Variants in SLC10A2 observed in about 807,000 individuals in gnomAD.
SLC10A2 encodes solute carrier family 10 member 2, also known as ileal sodium/bile acid cotransporter.
Under a neutral mutation model 27.1 loss-of-function variants are expected in SLC10A2, and 34 were observed. That is an observed-to-expected ratio of 1.26 (90% confidence interval 0.96 to 1.67). The LOEUF is 1.67. Among genes scored for constraint, SLC10A2 ranks in the 40% most tolerant of loss-of-function variants. SLC10A2 has a pLI of 0.00. For synonymous variants in SLC10A2, 205 were observed against 174.0 expected (o/e 1.18, Z -1.40); for missense variants, 530 against 444.4 (o/e 1.19, Z -1.73).
Position 103,046,303 on chromosome 13 carries a change from T to C in SLC10A2, c.920-43A>G, listed in dbSNP as rs752031661. On this transcript the variant is annotated intron_variant, in intron 5 of 5. Coordinates refer to ENST00000245312, the MANE Select transcript of SLC10A2 (RefSeq NM_000452.3). ...GACAGTTAAGTAAATTTTATAATAATAAACTGCAAAATTACTTTGCATAGA... is the reference window on the plus strand; with the variant it reads ...GACAGTTAAGTAAATTTTATAATAACAAACTGCAAAATTACTTTGCATAGA... 3 of 1,503,348 alleles carry C rather than the reference T, an allele frequency of 2.0e-6. No individual in the cohort carries two copies. In the Admixed American group the frequency reaches 5.2e-5, roughly 26 times the overall value. The allele number at this position is 1,503,348 out of a possible 1,614,324, so 93.1% of individuals were successfully genotyped here.
chr13:103,066,189 C>T lies in SLC10A2; in HGVS notation c.61G>A (p.Val21Ile), dbSNP rs777535636. 1 of 1,614,132 alleles carries T rather than the reference C, an allele frequency of 6.2e-7. No individual in the cohort carries two copies. The highest frequency in any genetic ancestry group is 1.1e-5 in the South Asian group (1 of 91,088). Reference protein sequence around the residue: ...ATVCSGASCVVPESNFNNILS... With the variant: ...ATVCSGASCVIPESNFNNILS... Reference sequence around the variant, plus strand: ...ATGTTATTGAAATTGCTCTCAGGTACCACACAGGATGCACCAGAGCAAACT... The same window carrying T: ...ATGTTATTGAAATTGCTCTCAGGTATCACACAGGATGCACCAGAGCAAACT... Residue 21 changes from valine to isoleucine, a missense_variant, in exon 1 of 6, where the codon GTA becomes ATA. Transcript: ENST00000245312.
rs1183774378 is a variant in SLC10A2 at position 103,051,400 on chromosome 13, C to T, written c.618G>A (p.Val206=). 6.2e-7 allele frequency: 1 copy of T among 1,613,898 alleles called. No individual in the cohort carries two copies. The highest frequency in any genetic ancestry group is 1.3e-5 in the African/African-American group (1 of 74,934). ...IGSIAGAILI[V]LIAVVGGILY... is the part of the protein sequence containing the mutation. Reference sequence around the variant, plus strand: ...ATATTCCTCCAACCACAGCTATGAGCACAATGAGGATGGCGCCCGCGATGG... The same window carrying T: ...ATATTCCTCCAACCACAGCTATGAGTACAATGAGGATGGCGCCCGCGATGG... Residue 206 remains valine, a synonymous_variant, in exon 4 of 6, where the codon GTG becomes GTA. Coordinates refer to ENST00000245312, the MANE Select transcript of SLC10A2 (RefSeq NM_000452.3).
chr13:103,060,604 G>A (rs1876087264), intron 1 of SLC10A2, among the ~76,000 whole-genome samples: 1 of 151,990 alleles, frequency 6.6e-6, no homozygotes. Flanking sequence ...TCAAACTCCT[G>A]GGCTCAGGTG....
intron 3 of SLC10A2, among the ~76,000 whole-genome samples, chr13:103,051,893 A>G (rs1486807561): frequency 1.3e-5 from 2 of 152,114 alleles, no homozygotes. Context: ...TGGGTATAGA[A>G]CTCTATACAA....
chr13:103,052,553 G>T, intron 3 of SLC10A2, 67 bp downstream of exon 3: 1 of 1,128,750 alleles, frequency 8.9e-7, no homozygotes, highest in Middle Eastern at 2.0e-4. Context: ...ACCATTTCAT[G>T]GATGGAAAAC....
In SLC10A2 at chr13:103,045,708, C is replaced by T. The variant is rs958619135; in HGVS notation, c.*425G>A. The T allele has an allele frequency of 1.9e-5, 3 of 156,160 alleles. No homozygotes were observed. Among genetic ancestry groups the T allele is most frequent in the Admixed American group, 6.3e-5 (1 of 15,998 alleles). 9.7% of individuals were successfully genotyped at this position (156,160 alleles called of 1,614,324 possible). On this transcript the variant is annotated 3_prime_UTR_variant, in exon 6 of 6. Transcript: ENST00000245312. Reference sequence around the variant, plus strand: ...TATAATCATAAACACTGAAGAAAATCGTGACCACTGTAATAATAATAATTC... The same window carrying T: ...TATAATCATAAACACTGAAGAAAATTGTGACCACTGTAATAATAATAATTC...
chr13:103,065,859 A>G lies in SLC10A2; in HGVS notation c.377+14T>C. On this transcript the variant is annotated intron_variant, in intron 1 of 5. Coordinates refer to ENST00000245312, the MANE Select transcript of SLC10A2 (RefSeq NM_000452.3). Reference sequence around the variant, plus strand: ...CAAGGTGATTGCAGTAGTTAGAGGTATAGATAATCTTACCTCAGGTCCATG... The same window carrying G: ...CAAGGTGATTGCAGTAGTTAGAGGTGTAGATAATCTTACCTCAGGTCCATG... 1 of 1,613,938 alleles carries G rather than the reference A, an allele frequency of 6.2e-7. No homozygotes were observed. The highest frequency in any genetic ancestry group is 8.5e-7 in the Non-Finnish European group (1 of 1,179,984).
rs150229163 is a variant in SLC10A2, at chr13:103,051,259, G to C, written c.759C>G (p.Tyr253Ter). ...ATGTGATTTACTAAATGCCATACCT[G>C]TACCAGGGTAGACCAGCAATTCTAG... is the stretch of plus-strand genomic sequence containing the variant. ...LLARIAGLPWYRCRTVAFETG... is the reference protein window; with the variant it reads ...LLARIAGLPW Residue 253 changes from tyrosine (Y) to a stop codon, truncating the protein, a stop_gained and splice_region_variant, in exon 4 of 6, where the codon TAC (tyrosine) becomes TAG (stop). Coordinates refer to ENST00000245312, the MANE Select transcript of SLC10A2 (RefSeq NM_000452.3). LOFTEE classifies it high-confidence loss of function. 1.5e-5 allele frequency: 24 copies of C among 1,613,646 alleles called. No homozygotes were observed. Among genetic ancestry groups the C allele is most frequent in the Non-Finnish European group, 2.0e-5 (24 of 1,179,878 alleles).
chr13:103,062,594 T>C (rs1017455317), intron 1 of SLC10A2, among the ~76,000 whole-genome samples: 5 of 152,016 alleles, frequency 3.3e-5, no homozygotes. Flanking sequence ...TCTCCCAGAG[T>C]AGAGAAGAGA....
chr13:103,054,272 G>A (rs534768785), intron 2 of SLC10A2, among the ~76,000 whole-genome samples: 191 of 152,228 alleles, frequency 1.3e-3, no homozygotes, highest in African/African-American at 4.5e-3. Flanking sequence ...ATGATTGTAC[G>A]TTTCCTGAGG....
At position 103,051,507 on chromosome 13, in the gene SLC10A2, A is replaced by T. The variant is rs931105747; in HGVS notation, c.586-75T>A. On this transcript the variant is annotated intron_variant, in intron 3 of 5. Transcript: ENST00000245312. Reference sequence around the variant, plus strand: ...TCCAAGTATGTTTGTCAGAGACAAAACCTCAGCAGTCTCCTTGTCCCTGGG... The same window carrying T: ...TCCAAGTATGTTTGTCAGAGACAAATCCTCAGCAGTCTCCTTGTCCCTGGG... 4 of 1,476,194 alleles carry T rather than the reference A, an allele frequency of 2.7e-6. No individual in the cohort carries two copies. The African/African-American group carries it at 4.2e-5, about 15-fold the overall frequency. 91.4% of individuals were successfully genotyped at this position (1,476,194 alleles called of 1,614,324 possible). A position where few individuals can be genotyped will look rare whatever the true frequency, so the allele number is the denominator to read the frequency against.
At chr13:103,063,046 C>T (rs997377922) in intron 1 of SLC10A2, among the ~76,000 whole-genome samples, 2 of 152,166 alleles carry the variant, frequency 1.3e-5, no homozygotes, top group African/African-American at 4.8e-5. Flanking sequence ...GTCACCATCT[C>T]TTCTCCCTGA....
At chr13:103,050,878 G>C (rs974218643) in intron 4 of SLC10A2, among the ~76,000 whole-genome samples, 2 of 152,156 alleles carry the variant, frequency 1.3e-5, no homozygotes, top group African/African-American at 2.4e-5. Context: ...CTCAGGATGT[G>C]ACATTATGTG....
In SLC10A2 at chr13:103,044,564, TA is replaced by T. The variant is rs1165027169; in HGVS notation, c.*1568del. On this transcript the variant is annotated 3_prime_UTR_variant, in exon 6 of 6. Coordinates refer to ENST00000245312, the MANE Select transcript of SLC10A2 (RefSeq NM_000452.3). Reference sequence around the variant, plus strand: ...TTCAACTGTAAATGGAAATCTTGCATAAAAAGATCAATGTTATGAATTTGAA... The same window carrying T: ...TTCAACTGTAAATGGAAATCTTGCATAAAAGATCAATGTTATGAATTTGAA... The T allele has an allele frequency of 6.6e-6, 1 of 152,160 alleles. No individual in the cohort carries two copies. The highest frequency in any genetic ancestry group is 1.5e-5 in the Non-Finnish European group (1 of 68,028). The allele number at this position is 152,160 out of a possible 1,614,324, so 9.4% of individuals were successfully genotyped here.
intron 4 of SLC10A2, among the ~76,000 whole-genome samples, chr13:103,050,489 G>A (rs930118939): frequency 6.6e-5 from 10 of 152,078 alleles, no homozygotes; most frequent in South Asian, 4.1e-4. Flanking sequence ...TTTAATATTC[G>A]GCGCCTTTGG....
rs201694445 is a variant in SLC10A2, at chr13:103,052,570, G to A, written c.585+50C>T. On this transcript the variant is annotated intron_variant, in intron 3 of 5. Transcript: ENST00000245312. Reference sequence around the variant, plus strand: ...CATTTCATGGATGGAAAACCCTATGGTTTTGATTGTCACAGTGGAATATTT... The same window carrying A: ...CATTTCATGGATGGAAAACCCTATGATTTTGATTGTCACAGTGGAATATTT... 4 of 1,286,736 alleles carry A rather than the reference G, an allele frequency of 3.1e-6. No individual in the cohort carries two copies. In the Admixed American group the frequency reaches 6.7e-5, roughly 22 times the overall value. 79.7% of individuals were successfully genotyped at this position (1,286,736 alleles called of 1,614,324 possible).
At position 103,044,575 on chromosome 13, in the gene SLC10A2, A is replaced by T. The variant is rs1875552619; in HGVS notation, c.*1558T>A. 6.6e-6 allele frequency: 1 copy of T among 152,200 alleles called. No homozygotes were observed. The highest frequency in any genetic ancestry group is 2.4e-5 in the African/African-American group (1 of 41,454). The allele number at this position is 152,200 out of a possible 1,614,324, so 9.4% of individuals were successfully genotyped here. A position where few individuals can be genotyped will look rare whatever the true frequency, so the allele number is the denominator to read the frequency against. On this transcript the variant is annotated 3_prime_UTR_variant, in exon 6 of 6. Transcript: ENST00000245312. ...ATGGAAATCTTGCATAAAAAGATCA[A>T]TGTTATGAATTTGAAAAGCAGAATC...
chr13:103,066,368 C>T lies in SLC10A2; in HGVS notation c.-119G>A. On this transcript the variant is annotated 5_prime_UTR_variant, in exon 1 of 6. Transcript: ENST00000245312. The stretch of plus-strand genomic sequence containing the variant: ...TACCCCATCAAACTTTTAAACCCCT[C>T]CTAAAAATATGTCACTTGGTGTCTC... The T allele has an allele frequency of 8.9e-7, 1 of 1,121,198 alleles. No homozygotes were observed. Among genetic ancestry groups the T allele is most frequent in the Non-Finnish European group, 1.2e-6 (1 of 814,600 alleles). 69.5% of individuals were successfully genotyped at this position (1,121,198 alleles called of 1,614,324 possible).
intron 1 of SLC10A2, among the ~76,000 whole-genome samples, chr13:103,064,131 A>T (rs190208987): frequency 2.8e-4 from 42 of 152,276 alleles, no homozygotes; most frequent in African/African-American, 9.9e-4. Context: ...TGAGCTCTGG[A>T]TAGGTGAGGT....
Sources: gnomAD v4.1 joint callset for allele counts (sites outside exome capture counted in the v4.1 genomes callset) on GRCh38, gnomAD v4.1.1 for gene constraint, MANE v1.5 for transcripts, NCBI Gene and HGNC (gene_info 2026-07-23, HGNC 2026-07-21) for gene names.